The following ASB15 variants were observed in gnomAD, a reference collection of about 807,000 sequenced individuals.
The protein encoded by ASB15 is ankyrin repeat and SOCS box protein 15.
A neutral mutation model predicts 58.0 loss-of-function variants in ASB15; 54 were observed. The ratio of observed to expected loss-of-function variants is 0.93; its 90% CI spans 0.75 to 1.17. The LOEUF (loss-of-function observed/expected upper bound fraction) is 1.17, where lower values mean the gene tolerates loss of function less well. ASB15 is among the 50% of genes most tolerant of loss of function. The probability of loss-of-function intolerance (pLI) is 0.00; values close to 1 mark genes in which losing one functional copy is unlikely to be tolerated. For synonymous variants in ASB15, 249 were observed against 262.4 expected (o/e 0.95, Z 0.50); for missense variants, 680 against 707.4 (o/e 0.96, Z 0.44).
At chr7:123,618,968 G>A (rs1303349031) in intron 7 of ASB15, among the ~76,000 whole-genome samples, 1 of 152,026 alleles carries the variant, frequency 6.6e-6, no homozygotes, top group African/African-American at 2.4e-5. Context: ...GAGGTCAGGA[G>A]TTCAAGACCA....
chr7:123,618,656 A>G (rs1008345634), intron 7 of ASB15, among the ~76,000 whole-genome samples: 7 of 152,122 alleles, frequency 4.6e-5, no homozygotes, highest in African/African-American at 1.4e-4. Flanking sequence ...GAAAGGATGT[A>G]AGATTATTTA....
At chr7:123,614,668 A>G (rs758293866) in intron 4 of ASB15, 59 bp downstream of exon 4, 28 of 1,098,248 alleles carry the variant, frequency 2.5e-5, no homozygotes, top group Non-Finnish European at 3.7e-5. Context: ...TTTTGTTGTA[A>G]GATAAAATGA....
rs371908325 is a variant in ASB15, at chr7:123,636,795, C to T, written c.1595-14C>T. 6.3e-7 allele frequency: 1 copy of T among 1,588,570 alleles called. No individual in the cohort carries two copies. Among genetic ancestry groups the T allele is most frequent in the Non-Finnish European group, 8.5e-7 (1 of 1,169,706 alleles). Reference sequence around the variant, plus strand: ...TTAAAAAATTTTTTTGCTTATTTTCCCGATTTCTTTTAGAGAATCCTTGTT... The same window carrying T: ...TTAAAAAATTTTTTTGCTTATTTTCTCGATTTCTTTTAGAGAATCCTTGTT... On this transcript the variant is annotated splice_polypyrimidine_tract_variant and intron_variant, in intron 11 of 11. Transcript: ENST00000451215.
At chr7:123,572,000 C>G (rs1011606364) in intron 1 of ASB15, among the ~76,000 whole-genome samples, 1 of 151,986 alleles carries the variant, frequency 6.6e-6, no homozygotes, top group Non-Finnish European at 1.5e-5. Flanking sequence ...CTTGCCCAGG[C>G]TAGTCTCAAA....
At chr7:123,623,936 AAAGAAAG>A (rs1212537037) in intron 7 of ASB15, among the ~76,000 whole-genome samples, 6 of 20,922 alleles carry the variant, frequency 2.9e-4, no homozygotes, top group African/African-American at 1.5e-3. Flanking sequence ...GAAAGAAAAG[AAAGAAAG>A]AAAGAAAGAA....
chr7:123,597,254 A>G (rs1315872690), upstream of ASB15, among the ~76,000 whole-genome samples: 2 of 152,180 alleles, frequency 1.3e-5, no homozygotes, highest in South Asian at 2.1e-4. Context: ...TCACCAGCCT[A>G]TCTGAACATT....
intron 1 of ASB15, 119 bp downstream of exon 1, chr7:123,602,033 C>G (rs1260988560): frequency 6.6e-6 from 1 of 152,134 alleles, no homozygotes; most frequent in African/African-American, 2.4e-5. Context: ...TACTTTCTTT[C>G]CACTTGATCA....
intron 8 of ASB15, 109 bp from the exon 9 acceptor site, chr7:123,627,001 G>A (rs1801832164): frequency 6.9e-6 from 8 of 1,163,716 alleles, no homozygotes; most frequent in Non-Finnish European, 9.8e-6. Context: ...CTCCAGTGCT[G>A]GGATTACAGG....
chr7:123,611,803 A>T (rs1800480425), intron 3 of ASB15, among the ~76,000 whole-genome samples: 2 of 151,982 alleles, frequency 1.3e-5, no homozygotes, highest in Non-Finnish European at 2.9e-5. Context: ...ACCTTAGTAC[A>T]CCTGCATGCA....
intron 1 of ASB15, among the ~76,000 whole-genome samples, chr7:123,568,955 A>C (rs1201728403): frequency 1.3e-5 from 2 of 152,242 alleles, no homozygotes; most frequent in African/African-American, 4.8e-5. Context: ...AAACATGATA[A>C]AATGGGGGAC....
At chr7:123,603,903 G>C (rs1800011136) in intron 1 of ASB15, 129 bp from the exon 2 acceptor site, 1 of 152,184 alleles carries the variant, frequency 6.6e-6, no homozygotes, top group Non-Finnish European at 1.5e-5. Flanking sequence ...TAAATTAACA[G>C]ATGTATAGTG....
chr7:123,629,817 C>T, intron 10 of ASB15, 149 bp from the exon 11 acceptor site: 1 of 635,906 alleles, frequency 1.6e-6, no homozygotes, highest in Non-Finnish European at 2.5e-6. Flanking sequence ...CAGAGAGAAG[C>T]AAACAATTTA....
intron 1 of ASB15, among the ~76,000 whole-genome samples, chr7:123,595,777 C>T (rs1039115902): frequency 4.6e-5 from 7 of 152,192 alleles, no homozygotes; most frequent in African/African-American, 1.4e-4. Context: ...TGAGCCAATT[C>T]ACTATCATTT....
chr7:123,629,445 C>G lies in ASB15; in HGVS notation c.1440+11C>G, dbSNP rs1802006132. ...ATAAAAGATAACCCGGTGAGTTATGCCTTTTCTGCTTTATATTGAGTTATC... is the reference window on the plus strand; with the variant it reads ...ATAAAAGATAACCCGGTGAGTTATGGCTTTTCTGCTTTATATTGAGTTATC... On this transcript the variant is annotated intron_variant, in intron 10 of 11. Transcript: ENST00000451215. 1.0e-5 allele frequency: 16 copies of G among 1,571,540 alleles called. No homozygotes were observed. The highest frequency in any genetic ancestry group is 1.7e-4 in the Middle Eastern group (1 of 5,934).
intron 1 of ASB15, among the ~76,000 whole-genome samples, chr7:123,577,018 T>C (rs145598622): frequency 1.5e-3 from 233 of 152,306 alleles, no homozygotes; most frequent in African/African-American, 5.4e-3. Context: ...CTGTTATCTA[T>C]TTTAATATGG....
rs563637492 is a variant in ASB15 at position 123,614,336 on chromosome 7, C to T, written c.-2-165C>T. The T allele has an allele frequency of 3.8e-5, 21 of 547,214 alleles. No homozygotes were observed. In the East Asian group the frequency reaches 6.3e-4, roughly 16 times the overall value. The allele number at this position is 547,214 out of a possible 1,614,324, so 33.9% of individuals were successfully genotyped here. A position where few individuals can be genotyped will look rare whatever the true frequency, so the allele number is the denominator to read the frequency against. ...GACCATTTAAGTTAATAAAATGGACCTCACAAGTAATGTGGATTAAAATGT... is the reference window on the plus strand; with the variant it reads ...GACCATTTAAGTTAATAAAATGGACTTCACAAGTAATGTGGATTAAAATGT... On this transcript the variant is annotated intron_variant, in intron 3 of 11. Coordinates refer to ENST00000451215, the MANE Select transcript of ASB15 (RefSeq NM_001290258.2).
intron 2 of ASB15, among the ~76,000 whole-genome samples, chr7:123,607,781 C>T (rs915989111): frequency 1.1e-4 from 16 of 152,180 alleles, no homozygotes; most frequent in Non-Finnish European, 5.9e-5. Flanking sequence ...GCCACCAGGC[C>T]CGGCCTTCTT....
chr7:123,614,395 A>C (rs774551588), intron 3 of ASB15, 106 bp from the exon 4 acceptor site: 1 of 683,662 alleles, frequency 1.5e-6, no homozygotes, highest in Non-Finnish European at 2.5e-6. Flanking sequence ...TAGGGAAAGG[A>C]AAATGCATTT....
At chr7:123,612,816 A>G (rs1383199106) in intron 3 of ASB15, among the ~76,000 whole-genome samples, 1 of 152,238 alleles carries the variant, frequency 6.6e-6, no homozygotes, top group Non-Finnish European at 1.5e-5. Context: ...TTTAGAGAGC[A>G]CAAACCTGGA....
Sources: allele counts gnomAD v4.1 joint callset (sites outside exome capture counted in the v4.1 genomes callset), GRCh38; gene constraint gnomAD v4.1.1; transcripts MANE v1.5; gene names NCBI Gene and HGNC (gene_info 2026-07-23, HGNC 2026-07-21).